The following SLC18A1 variants were observed in gnomAD, a reference collection of about 807,000 sequenced individuals.
SLC18A1 encodes the protein solute carrier family 18 member A1, also known as chromaffin granule amine transporter.
Under a neutral mutation model 53.7 loss-of-function variants are expected in SLC18A1, and 69 were observed. That is an observed-to-expected ratio of 1.28 (90% CI 1.06 to 1.57). SLC18A1 has a LOEUF of 1.57. SLC18A1 is among the 40% of genes most tolerant of loss of function. The probability of loss-of-function intolerance (pLI) is 0.00; values close to 1 mark genes in which losing one functional copy is unlikely to be tolerated. For synonymous variants in SLC18A1, 320 were observed against 248.1 expected, an observed-to-expected ratio of 1.29 and a Z score of -2.72; for missense variants, 932 against 668.1, an observed-to-expected ratio of 1.40 and a Z score of -4.35.
At chr8:20,178,362 A>G (rs1338302948) in intron 4 of SLC18A1, 73 bp downstream of exon 4, 51 of 1,227,398 alleles carry the variant, frequency 4.2e-5, no homozygotes, top group Non-Finnish European at 5.8e-5. Flanking sequence ...TTACCCTGCT[A>G]TCTACACCGC....
At chr8:20,171,051 G>A in intron 8 of SLC18A1, 52 bp downstream of exon 8, 1 of 1,572,892 alleles carries the variant, frequency 6.4e-7, no homozygotes, top group Non-Finnish European at 8.7e-7. Context: ...CTGGGTTCCT[G>A]CATTCAGCCA....
At position 20,166,591 on chromosome 8, in the gene SLC18A1, G is replaced by C. The variant is rs144345726; in HGVS notation, c.859-1484C>G. 3.0e-3 allele frequency among the ~76,000 whole-genome samples: 450 copies of C among 151,768 alleles called. 8 individuals are homozygous for C. In the East Asian group the frequency reaches 0.034, roughly 12 times the overall value. On this transcript the variant is annotated intron_variant, in intron 8 of 15. Coordinates refer to ENST00000276373, the MANE Select transcript of SLC18A1 (RefSeq NM_003053.4). ...TAGGGGTGGGAGAGGGGGAGGGTTAGAAAGACTGGAGGGATTGACACTTTC... is the reference window on the plus strand; with the variant it reads ...TAGGGGTGGGAGAGGGGGAGGGTTACAAAGACTGGAGGGATTGACACTTTC...
At chr8:20,177,447 C>G (rs1199007596) in intron 4 of SLC18A1, among the ~76,000 whole-genome samples, 1 of 152,090 alleles carries the variant, frequency 6.6e-6, no homozygotes, top group African/African-American at 2.4e-5. Context: ...ACAGAGAACA[C>G]ATGGACACCG....
chr8:20,154,268 T>G (rs925976694), intron 10 of SLC18A1, among the ~76,000 whole-genome samples: 1 of 152,150 alleles, frequency 6.6e-6, no homozygotes, highest in Non-Finnish European at 1.5e-5. Context: ...AAAGGATCAT[T>G]GCAAAAGAGT....
At position 20,150,698 on chromosome 8, in the gene SLC18A1, G is replaced by A. The variant is rs368185366; in HGVS notation, c.1062C>T (p.Asn354=). The A allele has an allele frequency of 6.2e-7, 1 of 1,614,160 alleles. No individual in the cohort carries two copies. The highest frequency in any genetic ancestry group is 8.5e-7 in the Non-Finnish European group (1 of 1,179,998). ...PASVSYLIGT[N]LFGVLANKMG... The stretch of plus-strand genomic sequence containing the variant: ...TCTTGTTGGCCAACACACCAAAGAG[G>A]TTGGTGCCAATGAGGTAGGACACAC... Residue 354 remains asparagine (N), a synonymous_variant, in exon 11 of 16, where the codon AAC becomes AAT. Transcript: ENST00000276373.
At chr8:20,155,477 G>A (rs1250568981) in intron 10 of SLC18A1, among the ~76,000 whole-genome samples, 3 of 152,138 alleles carry the variant, frequency 2.0e-5, no homozygotes, top group South Asian at 4.1e-4. Flanking sequence ...CAATTTTCTT[G>A]GGGGAAGCCG....
chr8:20,167,000 C>T (rs144953108), intron 8 of SLC18A1, among the ~76,000 whole-genome samples: 6 of 152,180 alleles, frequency 3.9e-5, no homozygotes, highest in South Asian at 2.1e-4. Flanking sequence ...TGACCATGGA[C>T]GTTCAGCCTC....
In SLC18A1 at chr8:20,152,682, C is replaced by A. The variant is rs183323780; in HGVS notation, c.1016-1938G>T. On this transcript the variant is annotated intron_variant, in intron 10 of 15. Transcript: ENST00000276373. ...CTGTCAGGCAGTTAGATACTTAAAG[C>A]CATGCAAATGGATGGGATTGCCTAT... Among the ~76,000 whole-genome samples the A allele has an allele frequency of 3.5e-4, 53 of 152,200 alleles. No individual in the cohort carries two copies. The East Asian group carries it at 6.4e-3, about 18-fold the overall frequency.
chr8:20,144,907 C>A lies in SLC18A1; in HGVS notation c.*856G>T, dbSNP rs1484919839. Reference sequence around the variant, plus strand: ...CAAGTATGAACAATGTCACATTACACCCCTCCTGTTAGGAAATCTACAATC... The same window carrying A: ...CAAGTATGAACAATGTCACATTACAACCCTCCTGTTAGGAAATCTACAATC... On this transcript the variant is annotated 3_prime_UTR_variant, in exon 16 of 16. Transcript: ENST00000276373. The A allele has an allele frequency of 6.6e-6, 1 of 152,138 alleles. No homozygotes were observed. The highest frequency in any genetic ancestry group is 1.5e-5 in the Non-Finnish European group (1 of 68,026). The allele number at this position is 152,138 out of a possible 1,614,324, so 9.4% of individuals were successfully genotyped here.
chr8:20,156,318 TA>T lies in SLC18A1; in HGVS notation c.1016-5575del, dbSNP rs35434077. Among the ~76,000 whole-genome samples the T allele has an allele frequency of 6.6e-3, 952 of 143,824 alleles. 7 individuals carry two copies. The highest frequency in any genetic ancestry group is 9.7e-3 in the Non-Finnish European group (634 of 65,592). 94.4% of individuals were successfully genotyped at this position (143,824 alleles called of 152,430 possible). On this transcript the variant is annotated intron_variant, in intron 10 of 15. Coordinates refer to ENST00000276373, the MANE Select transcript of SLC18A1 (RefSeq NM_003053.4). ...ATCTTAAAGTATGGGGCTAGTCTGT[TA>T]AAAAAAAAAAAAGATGACTTAACAT... is the stretch of plus-strand genomic sequence containing the variant.
At chr8:20,170,654 G>T (rs964985339) in intron 8 of SLC18A1, among the ~76,000 whole-genome samples, 2 of 152,044 alleles carry the variant, frequency 1.3e-5, no homozygotes, top group Non-Finnish European at 2.9e-5. Context: ...TGCAGAAGAT[G>T]TTGTCTAGGT....
At chr8:20,173,661 T>C (rs928702181) in intron 5 of SLC18A1, among the ~76,000 whole-genome samples, 11 of 152,208 alleles carry the variant, frequency 7.2e-5, no homozygotes, top group Admixed American at 5.2e-4. Flanking sequence ...TATTCACCAG[T>C]ACTTTGAAAA....
intron 10 of SLC18A1, among the ~76,000 whole-genome samples, chr8:20,157,083 C>T (rs2071701548): frequency 6.6e-6 from 1 of 152,134 alleles, no homozygotes; most frequent in Non-Finnish European, 1.5e-5. Flanking sequence ...GCAGATGTCC[C>T]TGGGTGGTTA....
chr8:20,154,573 T>C (rs1181639178), intron 10 of SLC18A1, among the ~76,000 whole-genome samples: 1 of 152,142 alleles, frequency 6.6e-6, no homozygotes, highest in East Asian at 1.9e-4. Flanking sequence ...ATCTAGATGT[T>C]GCAGGAAAAC....
chr8:20,155,928 G>C (rs2071671406), intron 10 of SLC18A1, among the ~76,000 whole-genome samples: 1 of 152,170 alleles, frequency 6.6e-6, no homozygotes, highest in Non-Finnish European at 1.5e-5. Flanking sequence ...CCACAAGTTT[G>C]TAAATGGCTA....
At chr8:20,172,637 T>C (rs2072152018) in intron 6 of SLC18A1, among the ~76,000 whole-genome samples, 1 of 152,204 alleles carries the variant, frequency 6.6e-6, no homozygotes, top group Non-Finnish European at 1.5e-5. Flanking sequence ...TTTTCGCCAT[T>C]CTTATTTTCA....
intron 4 of SLC18A1, among the ~76,000 whole-genome samples, chr8:20,176,753 T>G (rs2072263261): frequency 6.6e-6 from 1 of 152,256 alleles, no homozygotes; most frequent in Non-Finnish European, 1.5e-5. Flanking sequence ...ACAGCTATCC[T>G]ATGGAAATAA....
chr8:20,148,341 G>C (rs2071457430), intron 12 of SLC18A1: 1 of 725,552 alleles, frequency 1.4e-6, no homozygotes, highest in African/African-American at 1.8e-5. Flanking sequence ...CCTCAGACTT[G>C]GCTCCATTAT....
intron 10 of SLC18A1, among the ~76,000 whole-genome samples, chr8:20,156,380 C>G (rs1422968404): frequency 6.6e-6 from 1 of 151,788 alleles, no homozygotes; most frequent in Non-Finnish European, 1.5e-5. Context: ...AGCCAATTTC[C>G]TAACAGGGGA....
Sources: gnomAD v4.1 joint callset for allele counts (sites outside exome capture counted in the v4.1 genomes callset) on GRCh38, gnomAD v4.1.1 for gene constraint, MANE v1.5 for transcripts, NCBI Gene and HGNC (gene_info 2026-07-23, HGNC 2026-07-21) for gene names.